Variants in PRSS53 observed in about 807,000 individuals in gnomAD.
PRSS53 encodes the protein serine protease 53, also known as EDTP308.
In PRSS53, 54 loss-of-function variants were observed where a neutral mutation model predicts 62.7. The observed-to-expected ratio is 0.86, with a 90% CI of 0.69 to 1.08. The LOEUF (loss-of-function observed/expected upper bound fraction) is 1.08, where lower values mean the gene tolerates loss of function less well. Among genes scored for constraint, PRSS53 ranks in the 50% least tolerant of loss-of-function variants. The pLI is 0.00. For synonymous variants in PRSS53, 273 were observed against 300.0 expected (o/e 0.91, Z 0.93); for missense variants, 688 against 728.3 (o/e 0.94, Z 0.64).
exon 4 of PRSS53, chr16:31,086,869 G>A (rs1277853683): frequency 6.2e-7 from 1 of 1,603,984 alleles, no homozygotes; most frequent in South Asian, 1.1e-5. Flanking sequence ...CAGGACCACT[G>A]ACCAGGAATT....
chr16:31,087,225 G>C (rs1196681989), intron 3 of PRSS53: 4 of 532,148 alleles, frequency 7.5e-6, no homozygotes, highest in Non-Finnish European at 1.3e-5. Flanking sequence ...TTGAACTCTT[G>C]GGCTCAAGCG....
rs758546148 is a variant in PRSS53 at position 31,085,245 on chromosome 16, C to T, written c.899G>A (p.Arg300Lys). The T allele has an allele frequency of 1.3e-6, 2 of 1,581,732 alleles. No homozygotes were observed. Among genetic ancestry groups the T allele is most frequent in the South Asian group, 1.2e-5 (1 of 85,156 alleles). Residue 300 changes from arginine to lysine, a missense_variant, in exon 7 of 11, where the codon AGG becomes AAG. Physicochemically the swap from Arg to Lys is conservative, Grantham distance 26. Coordinates refer to ENST00000280606, the Ensembl canonical transcript of PRSS53. Reference sequence around the variant, plus strand: ...TGCTCCTGCCTGGGGACCTGCTGTCCTCAAGGATCCACAGGCTGAAACAGA... The same window carrying T: ...TGCTCCTGCCTGGGGACCTGCTGTCTTCAAGGATCCACAGGCTGAAACAGA...
chr16:31,083,613 G>A, exon 11 of PRSS53: 1 of 1,498,302 alleles, frequency 6.7e-7, no homozygotes, highest in South Asian at 1.3e-5. Context: ...AGACACCCCT[G>A]TCCTGCAGGG....
chr16:31,084,758 C>A (rs1421798261), intron 8 of PRSS53, 22 bp downstream of exon 8: 2 of 1,581,906 alleles, frequency 1.3e-6, no homozygotes, highest in Non-Finnish European at 1.7e-6. Context: ...TGGACAGCAG[C>A]CCTGGCCCTG....
At chr16:31,088,402 AGGATGGATGAAAAGAAAG>A in intron 1 of PRSS53, 1 of 1,179,528 alleles carries the variant, frequency 8.5e-7, no homozygotes, top group Non-Finnish European at 1.1e-6. Context: ...GGCTGCCCAG[AGGATGGATGAAAAGAAAG>A]GGAAACTGAG....
At chr16:31,085,361 TACTGAAGGTA>T in intron 6 of PRSS53, 101 bp from the exon 7 acceptor site, 1 of 1,334,836 alleles carries the variant, frequency 7.5e-7, no homozygotes, top group Non-Finnish European at 9.9e-7. Flanking sequence ...TTCCCCTCAT[TACTGAAGGTA>T]ACCAAAGTTC....
At chr16:31,084,876 C>T in exon 8 of PRSS53, 1 of 1,547,956 alleles carries the variant, frequency 6.5e-7, no homozygotes, top group Non-Finnish European at 8.7e-7. Flanking sequence ...AGGCTGGCTC[C>T]CAGTGTCACA....
chr16:31,085,962 A>G lies in PRSS53; in HGVS notation c.883+2T>C, dbSNP rs752879088. On this transcript the variant is annotated splice_donor_variant, in intron 6 of 10. Coordinates refer to ENST00000280606, the Ensembl canonical transcript of PRSS53. LOFTEE classifies it high-confidence loss of function. Reference sequence around the variant, plus strand: ...CCCACTCCCAGCATGCCCCACTCGTACCTACACAGCTGTCCTCATCACTCA... The same window carrying G: ...CCCACTCCCAGCATGCCCCACTCGTGCCTACACAGCTGTCCTCATCACTCA... 1 of 1,609,060 alleles carries G rather than the reference A, an allele frequency of 6.2e-7. No individual in the cohort carries two copies. Among genetic ancestry groups the G allele is most frequent in the Non-Finnish European group, 8.5e-7 (1 of 1,175,988 alleles).
At chr16:31,083,466 A>C in exon 11 of PRSS53, 1 of 1,314,418 alleles carries the variant, frequency 7.6e-7, no homozygotes, top group Non-Finnish European at 9.8e-7. Context: ...TTTAAGTTTA[A>C]AAAAAGGAAA....
chr16:31,084,431 T>A (rs1376105785), intron 9 of PRSS53, 96 bp from the exon 10 acceptor site: 4 of 1,492,096 alleles, frequency 2.7e-6, no homozygotes, highest in Non-Finnish European at 3.6e-6. Context: ...GGGGGCTAAT[T>A]GGCAAAAAGG....
At chr16:31,085,876 G>T (rs1031967193) in intron 6 of PRSS53, 88 bp downstream of exon 6, 9 of 1,225,804 alleles carry the variant, frequency 7.3e-6, no homozygotes, top group Non-Finnish European at 9.5e-6. Context: ...TAGGCTCGGC[G>T]GTGTGGATGC....
intron 1 of PRSS53, chr16:31,088,525 G>T (rs750416356): frequency 2.1e-6 from 3 of 1,418,594 alleles, no homozygotes; most frequent in Non-Finnish European, 2.8e-6. Context: ...ACACACACAA[G>T]ACCACAGGCC....
At chr16:31,088,345 C>A in intron 1 of PRSS53, 1 of 1,123,424 alleles carries the variant, frequency 8.9e-7, no homozygotes, top group Non-Finnish European at 1.1e-6. Context: ...GGCCCCTGCC[C>A]ACCGCCCCTC....
chr16:31,085,807 T>G (rs2057226176), intron 6 of PRSS53, among the ~76,000 whole-genome samples, 157 bp downstream of exon 6: 1 of 152,188 alleles, frequency 6.6e-6, no homozygotes, highest in Non-Finnish European at 1.5e-5. Context: ...CCAAAGTGCC[T>G]GTGCCTCTCA....
chr16:31,086,057 G>A, exon 6 of PRSS53: 1 of 1,613,972 alleles, frequency 6.2e-7, no homozygotes, highest in Non-Finnish European at 8.5e-7. Context: ...CAGGAACTGT[G>A]AGCAGCTGTG....
rs2057192710 is a variant in PRSS53, at chr16:31,083,495, AAG to A, written c.*293_*294del. The A allele has an allele frequency of 5.2e-6, 7 of 1,333,744 alleles. No individual in the cohort carries two copies. In the South Asian group the frequency reaches 1.5e-4, roughly 28 times the overall value. 82.6% of individuals were successfully genotyped at this position (1,333,744 alleles called of 1,614,324 possible). ...AAGGAAAACTGCTGCCCCCCAAAAAAAGAAATTTTCAAAACAACGTGGCTGGC... is the reference window on the plus strand; with the variant it reads ...AAGGAAAACTGCTGCCCCCCAAAAAAAAATTTTCAAAACAACGTGGCTGGC... On this transcript the variant is annotated 3_prime_UTR_variant, in exon 11 of 11. Coordinates refer to ENST00000280606, the Ensembl canonical transcript of PRSS53.
At chr16:31,083,699 G>A in exon 11 of PRSS53, 2 of 1,608,246 alleles carry the variant, frequency 1.2e-6, no homozygotes, top group Non-Finnish European at 1.7e-6. Context: ...CCTGGTGCCT[G>A]GAATCACACA....
chr16:31,084,187 T>G, exon 10 of PRSS53: 1 of 1,609,468 alleles, frequency 6.2e-7, no homozygotes, highest in Non-Finnish European at 8.5e-7. Context: ...GACCTGCCAG[T>G]CCAAACTGCT....
At chr16:31,087,963 G>A in intron 1 of PRSS53, 137 bp from the exon 2 acceptor site, 1 of 1,541,726 alleles carries the variant, frequency 6.5e-7, no homozygotes. Flanking sequence ...CTCCCAGAAT[G>A]AAAATATTTA....
Sources: allele counts gnomAD v4.1 joint callset (sites outside exome capture counted in the v4.1 genomes callset), GRCh38; gene constraint gnomAD v4.1.1; transcripts MANE v1.5; gene names NCBI Gene and HGNC (gene_info 2026-07-23, HGNC 2026-07-21).